The following AHCYL2 variants were observed in gnomAD, a reference collection of about 807,000 sequenced individuals.
AHCYL2 encodes adenosylhomocysteinase like 2.
In AHCYL2, 28 loss-of-function variants were observed where a neutral mutation model predicts 81.4. The observed-to-expected ratio is 0.34, with a 90% CI of 0.25 to 0.47. The LOEUF (loss-of-function observed/expected upper bound fraction) is 0.47. AHCYL2 is among the 20% of genes least tolerant of loss of function. The pLI, the probability that AHCYL2 is intolerant of heterozygous loss-of-function variation, is 1.00. For missense variants in AHCYL2, 551 were observed against 785.1 expected (o/e 0.70, Z 3.56); for synonymous variants, 272 against 290.2 (o/e 0.94, Z 0.64).
chr7:129,363,755 A>G (rs1584826662), intron 1 of AHCYL2, among the ~76,000 whole-genome samples: 1 of 151,866 alleles, frequency 6.6e-6, no homozygotes. Flanking sequence ...CCAGGCTGGT[A>G]TCAAACTCCT....
At chr7:129,253,911 A>G (rs1526898) in intron 1 of AHCYL2, among the ~76,000 whole-genome samples, 142,983 of 152,314 alleles carry the variant, frequency 0.94, 67,754 homozygotes, top group East Asian at 1. Flanking sequence ...GTAGTTTATA[A>G]TTATATCTTT....
At chr7:129,380,821 G>T (rs922982276) in intron 2 of AHCYL2, among the ~76,000 whole-genome samples, 1 of 152,104 alleles carries the variant, frequency 6.6e-6, no homozygotes, top group Non-Finnish European at 1.5e-5. Context: ...GCTCACTGCA[G>T]CCTTGACCTC....
intron 1 of AHCYL2, among the ~76,000 whole-genome samples, chr7:129,338,158 G>A (rs928882532): frequency 6.6e-6 from 1 of 151,910 alleles, no homozygotes; most frequent in African/African-American, 2.4e-5. Flanking sequence ...AAGGATGTAT[G>A]CATTGTACTT....
At chr7:129,413,144 CT>C (rs35091143) in intron 11 of AHCYL2, among the ~76,000 whole-genome samples, 165 of 135,768 alleles carry the variant, frequency 1.2e-3, no homozygotes, top group Admixed American at 1.6e-3. Context: ...GCCTGGCCTG[CT>C]TTTTTTTTTT....
At chr7:129,293,948 G>A (rs1262113044) in intron 1 of AHCYL2, among the ~76,000 whole-genome samples, 2 of 152,096 alleles carry the variant, frequency 1.3e-5, no homozygotes, top group African/African-American at 2.4e-5. Flanking sequence ...CACAGTCAAC[G>A]TGATTTTTTA....
chr7:129,391,618 C>T (rs1416284497), intron 4 of AHCYL2, among the ~76,000 whole-genome samples: 1 of 152,198 alleles, frequency 6.6e-6, no homozygotes, highest in Non-Finnish European at 1.5e-5. Flanking sequence ...CATAATGAGA[C>T]CACTATCGGG....
rs1794196188 is a variant in AHCYL2 at position 129,368,182 on chromosome 7, G to A, written c.364-11456G>A. 8.6e-7 allele frequency: 1 copy of A among 1,166,312 alleles called. No individual in the cohort carries two copies. Among genetic ancestry groups the A allele is most frequent in the African/African-American group, 1.6e-5 (1 of 63,206 alleles). The allele number at this position is 1,166,312 out of a possible 1,614,324, so 72.2% of individuals were successfully genotyped here. ...CCCACTGGGGAGGTGCGGGTAGAGTGTTTGGGTAGCATTAAAACAGTGAGT... is the reference window on the plus strand; with the variant it reads ...CCCACTGGGGAGGTGCGGGTAGAGTATTTGGGTAGCATTAAAACAGTGAGT... On this transcript the variant is annotated intron_variant, in intron 1 of 16. Coordinates refer to ENST00000325006, the MANE Select transcript of AHCYL2 (RefSeq NM_015328.4). This position sits in a 1 kb window ranked among gnomAD's most constrained non-coding sequence, Gnocchi z 4.4.
At chr7:129,240,339 C>T (rs201817728) in intron 1 of AHCYL2, among the ~76,000 whole-genome samples, 1 of 152,130 alleles carries the variant, frequency 6.6e-6, no homozygotes, top group East Asian at 1.9e-4. Context: ...CGGGCTCCCA[C>T]AGAGAGAAAT....
intron 1 of AHCYL2, among the ~76,000 whole-genome samples, chr7:129,261,307 A>G (rs1037564698): frequency 1.6e-4 from 25 of 152,200 alleles, no homozygotes; most frequent in African/African-American, 6.0e-4. Flanking sequence ...TACCATTTAA[A>G]TCTTCACAAT....
chr7:129,349,651 C>CAAAAAAA (rs34969591), intron 1 of AHCYL2, among the ~76,000 whole-genome samples: 2 of 86,108 alleles, frequency 2.3e-5, no homozygotes, highest in Non-Finnish European at 4.2e-5. Context: ...GACTCTGTTT[C>CAAAAAAA]AAAAAAAAAA....
At chr7:129,228,718 A>C (rs1045942560) in intron 1 of AHCYL2, among the ~76,000 whole-genome samples, 1 of 152,260 alleles carries the variant, frequency 6.6e-6, no homozygotes, top group Admixed American at 6.5e-5. Context: ...TCTGACAATA[A>C]GGCTGCAAGC....
chr7:129,397,253 C>T lies in AHCYL2; in HGVS notation c.752C>T (p.Ala251Val). ...VLMETLGALG[A>V]QCRWAACNIY... The stretch of plus-strand genomic sequence containing the variant: ...ATGGAAACTCTGGGTGCTCTGGGGG[C>T]CCAGTGCCGATGGGCTGCCTGCAAC... The change falls in exon 5 of 17, where the codon GCC (alanine) becomes GTC (valine). Residue 251 changes from alanine (A) to valine (V), a missense_variant. By Grantham distance (64) the Ala-to-Val change is moderately conservative. Transcript: ENST00000325006. 1 of 1,614,134 alleles carries T rather than the reference C, an allele frequency of 6.2e-7. No homozygotes were observed. The highest frequency in any genetic ancestry group is 8.5e-7 in the Non-Finnish European group (1 of 1,180,012).
intron 2 of AHCYL2, 121 bp downstream of exon 2, chr7:129,379,870 G>A (rs554705096): frequency 1.2e-5 from 8 of 692,548 alleles, no homozygotes; most frequent in Admixed American, 7.2e-5. Flanking sequence ...TAAATACTTC[G>A]AGTCAAAATT....
intron 1 of AHCYL2, among the ~76,000 whole-genome samples, chr7:129,288,899 A>G (rs1796734665): frequency 6.6e-6 from 1 of 151,512 alleles, no homozygotes; most frequent in African/African-American, 2.4e-5. Flanking sequence ...CTTCCTGAGT[A>G]GCTGCGACTG....
At chr7:129,404,171 G>C (rs545706790) in intron 7 of AHCYL2, among the ~76,000 whole-genome samples, 1 of 152,030 alleles carries the variant, frequency 6.6e-6, no homozygotes, top group South Asian at 2.1e-4. Flanking sequence ...AACTGCTCTA[G>C]ATGCTAGGAA....
intron 1 of AHCYL2, among the ~76,000 whole-genome samples, chr7:129,358,403 A>AC (rs1563210733): frequency 2.2e-4 from 33 of 150,676 alleles, no homozygotes; most frequent in African/African-American, 8.0e-4. Context: ...CACACACACA[A>AC]AAAAAAAAAC....
chr7:129,422,036 A>G (rs1247419657), intron 12 of AHCYL2, among the ~76,000 whole-genome samples: 1 of 152,226 alleles, frequency 6.6e-6, no homozygotes, highest in Non-Finnish European at 1.5e-5. Flanking sequence ...CTCACTTTCT[A>G]TTTTAGGCAT....
intron 1 of AHCYL2, among the ~76,000 whole-genome samples, chr7:129,277,387 C>T (rs984684870): frequency 4.0e-5 from 6 of 151,630 alleles, no homozygotes; most frequent in Non-Finnish European, 5.9e-5. Context: ...AAGCAATTCT[C>T]CTGCCTCAGC....
At chr7:129,345,305 G>A (rs1793324116) in intron 1 of AHCYL2, among the ~76,000 whole-genome samples, 1 of 152,204 alleles carries the variant, frequency 6.6e-6, no homozygotes, top group South Asian at 2.1e-4. Context: ...CCACCTGAAG[G>A]TGAAGAAGTT....
Sources: gnomAD v4.1 joint callset for allele counts (sites outside exome capture counted in the v4.1 genomes callset) on GRCh38, gnomAD v4.1.1 for gene constraint, Gnocchi (gnomAD v3.1) non-coding constraint, MANE v1.5 for transcripts, NCBI Gene and HGNC (gene_info 2026-07-23, HGNC 2026-07-21) for gene names.